The following MIER1 variants were observed in gnomAD, a reference collection of about 807,000 sequenced individuals.
The protein encoded by MIER1 is mesoderm induction early response protein 1.
MIER1 carries 40 observed loss-of-function variants against 75.7 expected under a neutral mutation model. The observed-to-expected ratio is 0.53, with a 90% CI of 0.41 to 0.69. The LOEUF (loss-of-function observed/expected upper bound fraction) is 0.69. MIER1 is among the 30% of genes least tolerant of loss of function. The probability of loss-of-function intolerance (pLI) is 0.00; values close to 1 mark genes in which losing one functional copy is unlikely to be tolerated. For synonymous variants in MIER1, 213 were observed against 223.4 expected, an observed-to-expected ratio of 0.95 and a Z score of 0.42; for missense variants, 574 against 680.2, an observed-to-expected ratio of 0.84 and a Z score of 1.74.
rs199861834 is a variant in MIER1 at position 66,958,064 on chromosome 1, C to T, written c.345C>T (p.Gly115=). 6.4e-6 allele frequency: 10 copies of T among 1,574,648 alleles called. No individual in the cohort carries two copies. Among genetic ancestry groups the T allele is most frequent in the African/African-American group, 5.4e-5 (4 of 73,624 alleles). ...TTTTATTTTGATTTATTTAGGAAGG[C>T]GACATGCCAATTCATGAACTTCTCA... is the stretch of plus-strand genomic sequence containing the variant. ...SSEIEDLARE[G]DMPIHELLSL... Residue 115 remains glycine (G), a synonymous_variant, in exon 5 of 14, where the codon GGC becomes GGT. Coordinates refer to ENST00000401041, the MANE Select transcript of MIER1 (RefSeq NM_001077700.3).
rs569348816 is a variant in MIER1 at position 66,987,399 on chromosome 1, C to T, written c.*2499C>T. Reference sequence around the variant, plus strand: ...ATTTAGTCTCCCCGCCTCATTCCCACCCCCAACAAAGCACTATCATTTTCA... The same window carrying T: ...ATTTAGTCTCCCCGCCTCATTCCCATCCCCAACAAAGCACTATCATTTTCA... On this transcript the variant is annotated 3_prime_UTR_variant, in exon 14 of 14. Transcript: ENST00000401041. The T allele has an allele frequency of 2.6e-5, 4 of 152,652 alleles. No homozygotes were observed. Among genetic ancestry groups the T allele is most frequent in the Non-Finnish European group, 5.9e-5 (4 of 67,950 alleles). 9.5% of individuals were successfully genotyped at this position (152,652 alleles called of 1,614,324 possible).
chr1:66,977,096 C>CAT (rs1411042107), intron 12 of MIER1, among the ~76,000 whole-genome samples: 2 of 151,682 alleles, frequency 1.3e-5, no homozygotes, highest in African/African-American at 4.8e-5. Context: ...AGTATAAGCA[C>CAT]ATACAGTTTT....
chr1:66,925,179 C>G, intron 1 of MIER1, 84 bp downstream of exon 1: 2 of 1,477,712 alleles, frequency 1.4e-6, no homozygotes, highest in Non-Finnish European at 1.8e-6. Flanking sequence ...AGTCCCCTTT[C>G]TCTCCTTCCC....
intron 2 of MIER1, chr1:66,930,498 C>G: frequency 7.8e-7 from 1 of 1,280,006 alleles, no homozygotes; most frequent in Non-Finnish European, 1.1e-6. Context: ...AGGCCCGGCC[C>G]TGCTGGCGCC....
chr1:66,972,332 T>C (rs891065619), intron 10 of MIER1, among the ~76,000 whole-genome samples: 1 of 150,618 alleles, frequency 6.6e-6, no homozygotes, highest in African/African-American at 2.4e-5. Flanking sequence ...AGGATGTAAC[T>C]ATAAACAAAG....
At chr1:66,974,259 T>C (rs765856662) in intron 11 of MIER1, among the ~76,000 whole-genome samples, 12 of 152,222 alleles carry the variant, frequency 7.9e-5, no homozygotes, top group Non-Finnish European at 1.6e-4. Flanking sequence ...GTAATTAGTT[T>C]CAAAAATGTA....
chr1:66,986,367 T>C lies in MIER1; in HGVS notation c.*1467T>C. ...ATAGACCAACCTATATCCAAACTTT[T>C]ATAAAATATTAATTATTCTTGTTTT... On this transcript the variant is annotated 3_prime_UTR_variant, in exon 14 of 14. Transcript: ENST00000401041. 1 of 1,599,314 alleles carries C rather than the reference T, an allele frequency of 6.3e-7. No homozygotes were observed.
intron 4 of MIER1, among the ~76,000 whole-genome samples, chr1:66,953,939 A>AT (rs1206267553): frequency 2.6e-5 from 4 of 151,754 alleles, no homozygotes; most frequent in South Asian, 2.1e-4. Context: ...AAGTAAGGGT[A>AT]TTTTTTTTCC....
At chr1:66,938,720 T>C (rs984862332) in intron 2 of MIER1, among the ~76,000 whole-genome samples, 1 of 152,080 alleles carries the variant, frequency 6.6e-6, no homozygotes, top group African/African-American at 2.4e-5. Context: ...TCTGGCAGAG[T>C]AACTTTAAAA....
Position 66,986,701 on chromosome 1 carries a change from T to C in MIER1, c.*1801T>C, listed in dbSNP as rs1429080279. On this transcript the variant is annotated 3_prime_UTR_variant, in exon 14 of 14. Coordinates refer to ENST00000401041, the MANE Select transcript of MIER1 (RefSeq NM_001077700.3). Reference sequence around the variant, plus strand: ...TGTACATTCACTGTTGTTACATACATATCTAAGTAAATCAAAGTTTTGGGT... The same window carrying C: ...TGTACATTCACTGTTGTTACATACACATCTAAGTAAATCAAAGTTTTGGGT... 11 of 395,222 alleles carry C rather than the reference T, an allele frequency of 2.8e-5. No individual in the cohort carries two copies. Among genetic ancestry groups the C allele is most frequent in the Middle Eastern group, 6.0e-4 (1 of 1,674 alleles). The allele number at this position is 395,222 out of a possible 1,614,324, so 24.5% of individuals were successfully genotyped here.
At chr1:66,952,948 G>C (rs1052337145) in intron 4 of MIER1, among the ~76,000 whole-genome samples, 8 of 152,164 alleles carry the variant, frequency 5.3e-5, no homozygotes, top group Non-Finnish European at 8.8e-5. Context: ...CACCTGACTT[G>C]TCTTTTCAGA....
At position 66,988,508 on chromosome 1, in the gene MIER1, C is replaced by G. The variant is rs1223387332; in HGVS notation, c.*3608C>G. 6.6e-6 allele frequency: 1 copy of G among 151,898 alleles called. No individual in the cohort carries two copies. Among genetic ancestry groups the G allele is most frequent in the Non-Finnish European group, 1.5e-5 (1 of 67,676 alleles). The allele number at this position is 151,898 out of a possible 1,614,324, so 9.4% of individuals were successfully genotyped here. On this transcript the variant is annotated 3_prime_UTR_variant, in exon 14 of 14. Coordinates refer to ENST00000401041, the MANE Select transcript of MIER1 (RefSeq NM_001077700.3). ...TAGTATTGTGCTGATCTTTTGCCAA[C>G]TATACGGACGTGGAGTTTTTCCTTT... is the stretch of plus-strand genomic sequence containing the variant.
At chr1:66,933,291 G>A (rs1419313329) in intron 2 of MIER1, among the ~76,000 whole-genome samples, 2 of 152,100 alleles carry the variant, frequency 1.3e-5, no homozygotes, top group African/African-American at 4.8e-5. Context: ...GGACCTTTGG[G>A]AACGAACAAT....
chr1:66,925,547 C>T (rs1651435014), intron 1 of MIER1: 2 of 985,302 alleles, frequency 2.0e-6, no homozygotes, highest in African/African-American at 3.5e-5. Flanking sequence ...GAGCAGCGCC[C>T]TGGGCCAACT....
chr1:66,979,404 G>A (rs1174955879), intron 12 of MIER1, among the ~76,000 whole-genome samples: 1 of 152,146 alleles, frequency 6.6e-6, no homozygotes, highest in Non-Finnish European at 1.5e-5. Context: ...TGTTCACCAG[G>A]ATGAAACACA....
chr1:66,976,512 TTTATTTTCAAAC>T (rs1664761461), intron 11 of MIER1, 71 bp from the exon 12 acceptor site: 1 of 1,403,928 alleles, frequency 7.1e-7, no homozygotes, highest in Admixed American at 2.3e-5. Flanking sequence ...ACTAGCCAAA[TTTATTTTCAAAC>T]TTCAGATGTT....
intron 3 of MIER1, among the ~76,000 whole-genome samples, chr1:66,942,026 A>C (rs1305933177): frequency 6.6e-6 from 1 of 151,722 alleles, no homozygotes; most frequent in African/African-American, 2.4e-5. Flanking sequence ...AATACTTAAC[A>C]GATAGAATGT....
At chr1:66,925,285 G>C in intron 1 of MIER1, 190 bp downstream of exon 1, 1 of 984,882 alleles carries the variant, frequency 1.0e-6, no homozygotes, top group East Asian at 1.1e-4. Flanking sequence ...GCTGCCAAAG[G>C]CGCATGCGCA....
intron 1 of MIER1, chr1:66,925,622 G>C: frequency 1.1e-6 from 1 of 875,170 alleles, no homozygotes; most frequent in Non-Finnish European, 1.4e-6. Context: ...GTAAGGAAAC[G>C]AGGTCCTCCT....
Sources: allele counts gnomAD v4.1 joint callset (sites outside exome capture counted in the v4.1 genomes callset), GRCh38; gene constraint gnomAD v4.1.1; transcripts MANE v1.5; gene names NCBI Gene and HGNC (gene_info 2026-07-23, HGNC 2026-07-21).